Variants in NLRP6 observed in about 807,000 individuals in gnomAD.
NLRP6 encodes the protein NACHT, LRR and PYD domains-containing protein 6.
In NLRP6, 55 loss-of-function variants were observed where a neutral mutation model predicts 70.9. The observed-to-expected ratio is 0.78, with a 90% CI of 0.62 to 0.97. NLRP6 has a LOEUF of 0.97. Ranked by LOEUF, NLRP6 falls within the 50% of genes least tolerant of loss-of-function variation. The pLI is 0.00. For synonymous variants in NLRP6, 652 were observed against 581.9 expected (o/e 1.12, Z -1.73); for missense variants, 1,241 against 1,238.3 (o/e 1.00, Z -0.03).
In NLRP6 at chr11:284,299, ACT is replaced by A. The variant is rs762036265; in HGVS notation, c.2269_2270del (p.Leu757AspfsTer12). 17 of 1,612,644 alleles carry A rather than the reference ACT, an allele frequency of 1.1e-5. No homozygotes were observed. The highest frequency in any genetic ancestry group is 1.4e-5 in the Non-Finnish European group (17 of 1,179,920). ...LSEALRAAPA[L>X]TELGLLHNRL... ...CTGAGGCCCTGAGGGCAGCCCCCGC[ACT>A]GACGGAGCTGGGCCTCCTCCACAAC... On this transcript the variant is annotated frameshift_variant, in exon 6 of 8. Coordinates refer to ENST00000534750, the MANE Select transcript of NLRP6 (RefSeq NM_001276700.2). LOFTEE classifies it high-confidence loss of function.
At chr11:283,556 A>T (rs777191919) in intron 5 of NLRP6, among the ~76,000 whole-genome samples, 2 of 151,396 alleles carry the variant, frequency 1.3e-5, no homozygotes, top group Admixed American at 6.6e-5. Context: ...CTCGTGATCC[A>T]CCCGCCTCTG....
chr11:282,487 C>T (rs1043769291), intron 4 of NLRP6, among the ~76,000 whole-genome samples: 1 of 152,230 alleles, frequency 6.6e-6, no homozygotes, highest in African/African-American at 2.4e-5. Flanking sequence ...GATACCGTCC[C>T]ACTGACCTCA....
chr11:285,034 G>T (rs967373418), intron 7 of NLRP6, 132 bp from the exon 8 acceptor site: 24 of 712,616 alleles, frequency 3.4e-5, no homozygotes, highest in Admixed American at 1.3e-4. Context: ...CCCAGTCACT[G>T]CCCGCAGCCC....
In NLRP6 at chr11:281,852, G is replaced by C; in HGVS notation, c.2105+13G>C. 1 of 1,557,450 alleles carries C rather than the reference G, an allele frequency of 6.4e-7. No individual in the cohort carries two copies. Among genetic ancestry groups the C allele is most frequent in the Non-Finnish European group, 8.6e-7 (1 of 1,157,176 alleles). On this transcript the variant is annotated intron_variant, in intron 4 of 7. Transcript: ENST00000534750. Reference sequence around the variant, plus strand: ...TGGGTGGCGGCAGGTGCGTCTCCAGGGCAGAGATACTCTCTTGTGTGTGAG... The same window carrying C: ...TGGGTGGCGGCAGGTGCGTCTCCAGCGCAGAGATACTCTCTTGTGTGTGAG...
rs774381037 is a variant in NLRP6, at chr11:279,888, G to C, written c.349+16G>C. On this transcript the variant is annotated intron_variant, in intron 3 of 7. Coordinates refer to ENST00000534750, the MANE Select transcript of NLRP6 (RefSeq NM_001276700.2). The stretch of plus-strand genomic sequence containing the variant: ...TCCGTGTCCGGTGGGTCTCTCGCTG[G>C]GGGGGCACGAGTGTCCCCAACCCCA... 1 of 1,525,322 alleles carries C rather than the reference G, an allele frequency of 6.6e-7. No homozygotes were observed. The highest frequency in any genetic ancestry group is 2.1e-5 in the Admixed American group (1 of 46,978). 94.5% of individuals were successfully genotyped at this position (1,525,322 alleles called of 1,614,324 possible). A position where few individuals can be genotyped will look rare whatever the true frequency, so the allele number is the denominator to read the frequency against.
At position 284,296 on chromosome 11, in the gene NLRP6, C is replaced by T. The variant is rs148506980; in HGVS notation, c.2265C>T (p.Pro755=). 3.5e-5 allele frequency: 56 copies of T among 1,612,618 alleles called. No homozygotes were observed. The highest frequency in any genetic ancestry group is 5.0e-5 in the Admixed American group (3 of 59,992). The change falls in exon 6 of 8, where the codon CCC becomes CCT. Residue 755 remains proline, a synonymous_variant. Transcript: ENST00000534750. Reference sequence around the variant, plus strand: ...TTTCTGAGGCCCTGAGGGCAGCCCCCGCACTGACGGAGCTGGGCCTCCTCC... The same window carrying T: ...TTTCTGAGGCCCTGAGGGCAGCCCCTGCACTGACGGAGCTGGGCCTCCTCC... ...RDLSEALRAA[P]ALTELGLLHN...
At chr11:284,034 G>T (rs1191750515) in intron 5 of NLRP6, among the ~76,000 whole-genome samples, 196 bp from the exon 6 acceptor site, 1 of 152,156 alleles carries the variant, frequency 6.6e-6, no homozygotes, top group Non-Finnish European at 1.5e-5. Context: ...GTGTCGCAGG[G>T]AGAAATGAAC....
chr11:279,926 CG>C, intron 3 of NLRP6, 54 bp downstream of exon 3: 1 of 1,460,328 alleles, frequency 6.8e-7, no homozygotes, highest in Non-Finnish European at 9.0e-7. Flanking sequence ...TGGAGGGTCC[CG>C]GGGAGGACCG....
chr11:282,643 G>A, intron 4 of NLRP6, 62 bp from the exon 5 acceptor site: 1 of 1,295,390 alleles, frequency 7.7e-7, no homozygotes, highest in South Asian at 1.2e-5. Context: ...ATAGACAGGA[G>A]TCCTTTCCGG....
chr11:285,025 C>G, intron 7 of NLRP6, 141 bp from the exon 8 acceptor site: 3 of 676,878 alleles, frequency 4.4e-6, no homozygotes, highest in Non-Finnish European at 2.5e-6. Flanking sequence ...AGCTGACAGC[C>G]CAGTCACTGC....
intron 4 of NLRP6, among the ~76,000 whole-genome samples, chr11:282,330 C>T (rs551913428): frequency 6.6e-6 from 1 of 152,220 alleles, no homozygotes; most frequent in Non-Finnish European, 1.5e-5. Flanking sequence ...TCGGCTCCTC[C>T]AGGGCAAGGC....
chr11:281,658 C>G lies in NLRP6; in HGVS notation c.1924C>G (p.Pro642Ala), dbSNP rs747125158. ...AFVRQALCRF[P>A]ELALQRVRFC... ...TGTGCGCCAAGCCCTGTGCCGGTTC[C>G]CGGAGCTGGCGCTGCAGCGAGTGCG... is the stretch of plus-strand genomic sequence containing the variant. Residue 642 changes from proline to alanine, a missense_variant, in exon 4 of 8, where the codon CCG becomes GCG. Physicochemically the swap from Pro to Ala is conservative, Grantham distance 27 (BLOSUM62 -1). Coordinates refer to ENST00000534750, the MANE Select transcript of NLRP6 (RefSeq NM_001276700.2). 2 of 1,613,396 alleles carry G rather than the reference C, an allele frequency of 1.2e-6. No individual in the cohort carries two copies. Among genetic ancestry groups the G allele is most frequent in the Non-Finnish European group, 1.7e-6 (2 of 1,180,006 alleles).
rs374161810 is a variant in NLRP6, at chr11:280,782, T to C, written c.1048T>C (p.Ser350Pro). The change falls in exon 4 of 8, where the codon TCC (serine) becomes CCC (proline). Residue 350 changes from serine (S) to proline (P), a missense_variant. Coordinates refer to ENST00000534750, the MANE Select transcript of NLRP6 (RefSeq NM_001276700.2). ...SPQCAEVRGF[S>P]DKDKKKYFYK... ...GCAGTGCGCCGAGGTGCGCGGCTTC[T>C]CCGACAAGGACAAGAAGAAGTATTT... 6.5e-5 allele frequency: 104 copies of C among 1,612,186 alleles called. No individual in the cohort carries two copies. Among genetic ancestry groups the C allele is most frequent in the Non-Finnish European group, 8.6e-5 (101 of 1,179,590 alleles).
chr11:280,051 C>T (rs964622719), intron 3 of NLRP6, 33 bp from the exon 4 acceptor site: 1 of 1,455,340 alleles, frequency 6.9e-7, no homozygotes, highest in African/African-American at 1.5e-5. Context: ...CACCTCCGAC[C>T]CTTGTCCCCG....
At chr11:284,077 C>T (rs998689409) in intron 5 of NLRP6, among the ~76,000 whole-genome samples, 153 bp from the exon 6 acceptor site, 1 of 152,140 alleles carries the variant, frequency 6.6e-6, no homozygotes, top group Admixed American at 6.5e-5. Context: ...TGACAAAGGG[C>T]AGGGCAGGCT....
rs1845476367 is a variant in NLRP6, at chr11:281,448, A to G, written c.1714A>G (p.Lys572Glu). 4 of 1,601,554 alleles carry G rather than the reference A, an allele frequency of 2.5e-6. No homozygotes were observed. In the East Asian group the frequency reaches 6.7e-5, roughly 27 times the overall value. The change falls in exon 4 of 8, where the codon AAG becomes GAG. Residue 572 changes from lysine to glutamate, a missense_variant. By Grantham distance (56) the Lys-to-Glu change is moderately conservative. Coordinates refer to ENST00000534750, the MANE Select transcript of NLRP6 (RefSeq NM_001276700.2). ...HFGCMVSERV[K>E]QEALRWVQGQ... ...CGGCTGCATGGTTTCAGAGCGTGTG[A>G]AGCAGGAGGCCCTGCGGTGGGTGCA... is the stretch of plus-strand genomic sequence containing the variant.
Position 285,294 on chromosome 11 carries a change from C to G in NLRP6, c.2666C>G (p.Ser889Trp). Residue 889 changes from serine to tryptophan, a missense_variant, in exon 8 of 8, where the codon TCG becomes TGG. By Grantham distance (177) the Ser-to-Trp change is radical. Coordinates refer to ENST00000534750, the MANE Select transcript of NLRP6 (RefSeq NM_001276700.2). ...GHPQPPKELI[S>W]TF is the part of the protein sequence containing the mutation. Reference sequence around the variant, plus strand: ...CCACAACCTCCCAAGGAACTCATCTCGACCTTCTGAGGCTCTGGTGGCCAG... The same window carrying G: ...CCACAACCTCCCAAGGAACTCATCTGGACCTTCTGAGGCTCTGGTGGCCAG... 2 of 1,609,076 alleles carry G rather than the reference C, an allele frequency of 1.2e-6. No individual in the cohort carries two copies. The highest frequency in any genetic ancestry group is 1.7e-6 in the Non-Finnish European group (2 of 1,177,540).
At position 280,664 on chromosome 11, in the gene NLRP6, G is replaced by T. The variant is rs751053107; in HGVS notation, c.930G>T (p.Gly310=). ...CGAGCGGCGCGCGGGTGCTAGGCGG[G>T]CTGCTGAGCAAGGCGCTGCTGCCCA... is the stretch of plus-strand genomic sequence containing the variant. ...EAASGARVLG[G]LLSKALLPTA... is the part of the protein sequence containing the mutation. Residue 310 remains glycine (G), a synonymous_variant, in exon 4 of 8, where the codon GGG becomes GGT. Transcript: ENST00000534750. 1 of 1,535,980 alleles carries T rather than the reference G, an allele frequency of 6.5e-7. No individual in the cohort carries two copies. The highest frequency in any genetic ancestry group is 8.7e-7 in the Non-Finnish European group (1 of 1,148,298).
chr11:280,678 C>A lies in NLRP6; in HGVS notation c.944C>A (p.Ala315Glu). Reference sequence around the variant, plus strand: ...GTGCTAGGCGGGCTGCTGAGCAAGGCGCTGCTGCCCACGGCCCTCCTGCTG... The same window carrying A: ...GTGCTAGGCGGGCTGCTGAGCAAGGAGCTGCTGCCCACGGCCCTCCTGCTG... ...ARVLGGLLSK[A>E]LLPTALLLVT... The change falls in exon 4 of 8, where the codon GCG becomes GAG. Residue 315 changes from alanine to glutamate, a missense_variant. Transcript: ENST00000534750. 1 of 1,553,994 alleles carries A rather than the reference C, an allele frequency of 6.4e-7. No individual in the cohort carries two copies. The highest frequency in any genetic ancestry group is 8.7e-7 in the Non-Finnish European group (1 of 1,155,202).
Sources: allele counts gnomAD v4.1 joint callset (sites outside exome capture counted in the v4.1 genomes callset), GRCh38; gene constraint gnomAD v4.1.1; transcripts MANE v1.5; gene names NCBI Gene and HGNC (gene_info 2026-07-23, HGNC 2026-07-21).